The following MSRA variants were observed in gnomAD, a reference collection of about 807,000 sequenced individuals.
The protein encoded by MSRA is methionine sulfoxide reductase A.
MSRA carries 54 observed loss-of-function variants against 31.3 expected under a neutral mutation model. The ratio of observed to expected loss-of-function variants is 1.73; its 90% CI spans 1.39 to 2.17. The LOEUF is 2.17. Ranked by LOEUF, MSRA falls within the 30% of genes most tolerant of loss-of-function variation. The pLI, the probability that MSRA is intolerant of heterozygous loss-of-function variation, is 0.00. For missense variants in MSRA, 507 were observed against 300.9 expected (o/e 1.69, Z -5.07); for synonymous variants, 169 against 116.5 (o/e 1.45, Z -2.90).
At chr8:10,253,336 C>G (rs1000570202) in intron 3 of MSRA, among the ~76,000 whole-genome samples, 2 of 152,138 alleles carry the variant, frequency 1.3e-5, no homozygotes, top group African/African-American at 2.4e-5. Flanking sequence ...TTTTAATATT[C>G]TATAGTTGGT....
At chr8:10,206,084 T>A (rs750701398) in intron 1 of MSRA, among the ~76,000 whole-genome samples, 13 of 152,188 alleles carry the variant, frequency 8.5e-5, no homozygotes, top group Non-Finnish European at 1.5e-4. Context: ...ACGAGTGGGA[T>A]TCATGGGTTT....
intron 1 of MSRA, among the ~76,000 whole-genome samples, chr8:10,174,187 T>C (rs1324325967): frequency 1.3e-5 from 2 of 152,148 alleles, no homozygotes; most frequent in African/African-American, 2.4e-5. Context: ...TTTGAGTATT[T>C]GTTCCTGGAT....
At chr8:10,128,552 G>T (rs1012561592) in intron 1 of MSRA, among the ~76,000 whole-genome samples, 1 of 152,132 alleles carries the variant, frequency 6.6e-6, no homozygotes, top group Non-Finnish European at 1.5e-5. Context: ...TCACAGCTGA[G>T]GCTGGTGTAG....
chr8:10,387,562 G>T (rs190277324), intron 5 of MSRA, among the ~76,000 whole-genome samples: 12 of 152,360 alleles, frequency 7.9e-5, no homozygotes, highest in Non-Finnish European at 1.2e-4. Context: ...CCAAAGAACA[G>T]ACAGTGGCCT....
intron 1 of MSRA, among the ~76,000 whole-genome samples, chr8:10,190,800 G>A (rs942033634): frequency 6.6e-5 from 10 of 152,198 alleles, no homozygotes; most frequent in East Asian, 1.9e-4. Context: ...AAGGGTAGGA[G>A]ACATTGCTAT....
chr8:10,211,841 G>C (rs1288619352), intron 2 of MSRA, among the ~76,000 whole-genome samples: 1 of 152,100 alleles, frequency 6.6e-6, no homozygotes, highest in Admixed American at 6.5e-5. Flanking sequence ...CCGGGTTCCA[G>C]CCTCTGCAGA....
intron 1 of MSRA, among the ~76,000 whole-genome samples, chr8:10,180,374 G>T (rs896119793): frequency 6.6e-6 from 1 of 152,304 alleles, no homozygotes; most frequent in Non-Finnish European, 1.5e-5. Flanking sequence ...GCACCGTGAT[G>T]TGTTTACCAA....
intron 2 of MSRA, 75 bp from the exon 3 acceptor site, chr8:10,245,029 G>C (rs1797541264): frequency 7.0e-7 from 1 of 1,422,052 alleles, no homozygotes; most frequent in Non-Finnish European, 9.5e-7. Context: ...TCATGTAACA[G>C]GTGTATGTGG....
intron 5 of MSRA, among the ~76,000 whole-genome samples, chr8:10,333,882 G>T (rs1802858282): frequency 6.6e-6 from 1 of 152,102 alleles, no homozygotes; most frequent in African/African-American, 2.4e-5. Flanking sequence ...TTCACACAAG[G>T]CAGGCACTCT....
intron 1 of MSRA, among the ~76,000 whole-genome samples, chr8:10,100,696 G>A (rs748683460): frequency 6.6e-6 from 1 of 152,112 alleles, no homozygotes; most frequent in Non-Finnish European, 1.5e-5. Flanking sequence ...TGCAAAGCTC[G>A]ACTTAAAAGT....
At chr8:10,402,052 G>A (rs752507270) in intron 5 of MSRA, among the ~76,000 whole-genome samples, 1 of 152,178 alleles carries the variant, frequency 6.6e-6, no homozygotes, top group Non-Finnish European at 1.5e-5. Flanking sequence ...TAAATATTAT[G>A]TTACATATAT....
chr8:10,344,270 C>T (rs1397629950), intron 5 of MSRA, among the ~76,000 whole-genome samples: 1 of 152,144 alleles, frequency 6.6e-6, no homozygotes, highest in Non-Finnish European at 1.5e-5. Flanking sequence ...AGCTGTTCAC[C>T]TCTAATGGTG....
intron 1 of MSRA, among the ~76,000 whole-genome samples, chr8:10,200,989 C>T (rs944300355): frequency 6.6e-6 from 1 of 152,124 alleles, no homozygotes; most frequent in African/African-American, 2.4e-5. Context: ...GAGGCCAGGG[C>T]TTGTGGGCCA....
chr8:10,094,466 G>A (rs537906433), intron 1 of MSRA, among the ~76,000 whole-genome samples: 2 of 152,314 alleles, frequency 1.3e-5, no homozygotes, highest in African/African-American at 4.8e-5. Flanking sequence ...GTATCTATGT[G>A]CATAAACGTA....
chr8:10,305,871 A>T (rs1398767172), intron 4 of MSRA, among the ~76,000 whole-genome samples: 4 of 152,214 alleles, frequency 2.6e-5, no homozygotes, highest in African/African-American at 7.2e-5. Flanking sequence ...CCTAAGGAGG[A>T]ATGACAGACA....
intron 5 of MSRA, among the ~76,000 whole-genome samples, chr8:10,368,111 A>G (rs996671245): frequency 6.6e-6 from 1 of 152,226 alleles, no homozygotes; most frequent in African/African-American, 2.4e-5. Flanking sequence ...ACCATGAGTC[A>G]TGAAGCCATG....
chr8:10,195,548 C>G lies in MSRA; in HGVS notation c.143-12285C>G, dbSNP rs140002086. The stretch of plus-strand genomic sequence containing the variant: ...GAGCCACCGTGCCTGGCCTAATTTT[C>G]TATCTCTTTATCACTATATTATTTC... On this transcript the variant is annotated intron_variant, in intron 1 of 5. Coordinates refer to ENST00000317173, the MANE Select transcript of MSRA (RefSeq NM_012331.5). Among the ~76,000 whole-genome samples, 590 of 152,260 alleles carry G rather than the reference C, an allele frequency of 3.9e-3. 5 individuals are homozygous for G. Among genetic ancestry groups the G allele is most frequent in the African/African-American group, 0.013 (561 of 41,556 alleles).
intron 1 of MSRA, among the ~76,000 whole-genome samples, chr8:10,170,551 G>A (rs1457024413): frequency 6.6e-6 from 1 of 151,970 alleles, no homozygotes; most frequent in African/African-American, 2.4e-5. Context: ...AACGAAACTT[G>A]GATCAAAAAT....
intron 2 of MSRA, among the ~76,000 whole-genome samples, chr8:10,221,124 G>A (rs73662805): frequency 3.3e-5 from 5 of 152,100 alleles, no homozygotes; most frequent in East Asian, 1.9e-4. Flanking sequence ...GCTTTCCCAC[G>A]TGCAGAAAAT....
Sources: gnomAD v4.1 joint callset for allele counts (sites outside exome capture counted in the v4.1 genomes callset) on GRCh38, gnomAD v4.1.1 for gene constraint, MANE v1.5 for transcripts, NCBI Gene and HGNC (gene_info 2026-07-23, HGNC 2026-07-21) for gene names.